The following PACC1 variants were observed in gnomAD, a reference collection of about 807,000 sequenced individuals.
PACC1 encodes the protein proton activated chloride channel 1, also known as proton-activated chloride channel.
PACC1 carries 34 observed loss-of-function variants against 39.7 expected under a neutral mutation model. The ratio of observed to expected loss-of-function variants is 0.86; its 90% confidence interval spans 0.65 to 1.14. PACC1 has a LOEUF of 1.14. PACC1 is among the 50% of genes most tolerant of loss of function. The pLI is 0.00. For synonymous variants in PACC1, 127 were observed against 160.6 expected, an observed-to-expected ratio of 0.79 and a Z score of 1.58; for missense variants, 379 against 436.4, an observed-to-expected ratio of 0.87 and a Z score of 1.17.
chr1:212,369,919 T>C (rs765325649), intron 7 of PACC1, among the ~76,000 whole-genome samples: 2 of 152,170 alleles, frequency 1.3e-5, no homozygotes, highest in Non-Finnish European at 2.9e-5. Flanking sequence ...AATATCATTA[T>C]GTAATGATGA....
intron 7 of PACC1, among the ~76,000 whole-genome samples, chr1:212,368,796 G>A (rs944383825): frequency 1.3e-5 from 2 of 152,280 alleles, no homozygotes; most frequent in African/African-American, 2.4e-5. Flanking sequence ...ACTTTGGGAG[G>A]CCGAGGCGGG....
intron 4 of PACC1, among the ~76,000 whole-genome samples, chr1:212,384,055 C>T (rs1014086455): frequency 6.6e-6 from 1 of 152,146 alleles, no homozygotes; most frequent in Admixed American, 6.6e-5. Context: ...AAGCTTGTAC[C>T]TCTACAACAG....
At chr1:212,387,444 A>G (rs1661144843) in intron 2 of PACC1, among the ~76,000 whole-genome samples, 1 of 152,356 alleles carries the variant, frequency 6.6e-6, no homozygotes, top group East Asian at 1.9e-4. Flanking sequence ...TACTCTCTAG[A>G]GGGATAGGCA....
intron 4 of PACC1, among the ~76,000 whole-genome samples, chr1:212,384,628 A>C (rs940739995): frequency 1.3e-5 from 2 of 152,252 alleles, no homozygotes; most frequent in Non-Finnish European, 2.9e-5. Context: ...TGAAGCAAGA[A>C]TATGAAATGA....
Position 212,385,383 on chromosome 1 carries a change from TTACAGCTGAGCAACTG to T in PACC1, c.370_385del (p.Gln124SerfsTer10). ...AGGAGGAATGACCTCGTAATGGTGC[TTACAGCTGAGCAACTG>T]GGCCTGACCGGGGTACAAGGCAATA... On this transcript the variant is annotated frameshift_variant, in exon 4 of 8. Coordinates refer to ENST00000261455, the MANE Select transcript of PACC1 (RefSeq NM_018252.3). LOFTEE classifies it high-confidence loss of function. 1 of 1,614,024 alleles carries T rather than the reference TTACAGCTGAGCAACTG, an allele frequency of 6.2e-7. No homozygotes were observed. Among genetic ancestry groups the T allele is most frequent in the South Asian group, 1.1e-5 (1 of 91,072 alleles).
chr1:212,384,618 T>G (rs1452956755), intron 4 of PACC1, among the ~76,000 whole-genome samples: 2 of 152,254 alleles, frequency 1.3e-5, no homozygotes, highest in African/African-American at 4.8e-5. Flanking sequence ...CAATGCTTTC[T>G]GAAGCAAGAA....
intron 2 of PACC1, among the ~76,000 whole-genome samples, chr1:212,401,664 T>C (rs1401403547): frequency 5.0e-5 from 7 of 141,240 alleles, no homozygotes; most frequent in South Asian, 2.3e-4. Flanking sequence ...AGTTACAGCA[T>C]GCATCAGTTC....
At chr1:212,375,363 A>G in intron 6 of PACC1, 63 bp from the exon 7 acceptor site, 1 of 1,185,050 alleles carries the variant, frequency 8.4e-7, no homozygotes, top group South Asian at 1.2e-5. Flanking sequence ...GCCTGTGCCC[A>G]GCGAAAGGAG....
intron 2 of PACC1, among the ~76,000 whole-genome samples, chr1:212,409,469 G>A (rs1196263355): frequency 6.6e-6 from 1 of 151,968 alleles, no homozygotes; most frequent in Non-Finnish European, 1.5e-5. Context: ...AGGGAATGAG[G>A]CCTAAAATAA....
chr1:212,384,802 C>A (rs749881979), intron 4 of PACC1, among the ~76,000 whole-genome samples: 2 of 152,220 alleles, frequency 1.3e-5, no homozygotes, highest in African/African-American at 2.4e-5. Flanking sequence ...GAGTCCTTGT[C>A]CCCAGACCGA....
rs1398431178 is a variant in PACC1 at position 212,363,994 on chromosome 1, T to G, written c.*1221A>C. The G allele has an allele frequency of 6.6e-6, 1 of 152,256 alleles. No homozygotes were observed. Among genetic ancestry groups the G allele is most frequent in the East Asian group, 1.9e-4 (1 of 5,200 alleles). The allele number at this position is 152,256 out of a possible 1,614,324, so 9.4% of individuals were successfully genotyped here. A position where few individuals can be genotyped will look rare whatever the true frequency, so the allele number is the denominator to read the frequency against. Reference sequence around the variant, plus strand: ...AGTTTCTTCCCATTTAAAATGCCTATTCATACATTTGAGTTATTCCCTTTG... The same window carrying G: ...AGTTTCTTCCCATTTAAAATGCCTAGTCATACATTTGAGTTATTCCCTTTG... On this transcript the variant is annotated 3_prime_UTR_variant, in exon 8 of 8. Coordinates refer to ENST00000261455, the MANE Select transcript of PACC1 (RefSeq NM_018252.3).
intron 7 of PACC1, among the ~76,000 whole-genome samples, chr1:212,374,345 T>A (rs1308952176): frequency 6.6e-6 from 1 of 151,960 alleles, no homozygotes; most frequent in Non-Finnish European, 1.5e-5. Context: ...TTCTCACTCA[T>A]GTGGGAGCTT....
intron 7 of PACC1, among the ~76,000 whole-genome samples, chr1:212,374,431 G>A (rs1175335137): frequency 6.6e-6 from 1 of 152,150 alleles, no homozygotes; most frequent in Non-Finnish European, 1.5e-5. Flanking sequence ...GGGGAAGCAG[G>A]AGATGAAGAG....
chr1:212,378,295 C>T (rs1432307854), intron 5 of PACC1, among the ~76,000 whole-genome samples: 2 of 152,180 alleles, frequency 1.3e-5, no homozygotes, highest in East Asian at 1.9e-4. Flanking sequence ...ACGAAAGGAG[C>T]GTGGAGTGGG....
At chr1:212,400,945 G>T (rs1344273054) in intron 2 of PACC1, among the ~76,000 whole-genome samples, 2 of 152,178 alleles carry the variant, frequency 1.3e-5, no homozygotes, top group Non-Finnish European at 1.5e-5. Context: ...GAGGAAGGGG[G>T]CTTGGTTGTC....
rs1224640283 is a variant in PACC1 at position 212,386,121 on chromosome 1, G to T, written c.344-696C>A. On this transcript the variant is annotated intron_variant, in intron 3 of 7. Transcript: ENST00000261455. The surrounding 1 kb of genome is among the most constrained non-coding windows in gnomAD (Gnocchi z 5.0). ...GCACACCTGACTCTGCTGGAGGCTG[G>T]CAGGAAGCCCCAGAGAGAGGGCACC... is the stretch of plus-strand genomic sequence containing the variant. Among the ~76,000 whole-genome samples the T allele has an allele frequency of 6.6e-6, 1 of 152,138 alleles. No homozygotes were observed. Among genetic ancestry groups the T allele is most frequent in the East Asian group, 1.9e-4 (1 of 5,180 alleles).
At chr1:212,382,231 G>A (rs1571645765) in intron 4 of PACC1, among the ~76,000 whole-genome samples, 2 of 152,040 alleles carry the variant, frequency 1.3e-5, no homozygotes, top group East Asian at 3.9e-4. Context: ...TTTTAGTAGA[G>A]ACGGGGTTTC....
Position 212,368,883 on chromosome 1 carries a change from T to C in PACC1, c.892-3507A>G, listed in dbSNP as rs565295559. On this transcript the variant is annotated intron_variant, in intron 7 of 7. Coordinates refer to ENST00000261455, the MANE Select transcript of PACC1 (RefSeq NM_018252.3). ...CTGTCTCTACCAAAAATACAAAAAA[T>C]TAGCCGGGCGTGGTGGCGGGTGCCT... is the stretch of plus-strand genomic sequence containing the variant. Among the ~76,000 whole-genome samples the C allele has an allele frequency of 8.8e-4, 134 of 151,998 alleles. 1 individual carries two copies. Among genetic ancestry groups the C allele is most frequent in the Non-Finnish European group, 1.5e-3 (102 of 67,952 alleles).
Position 212,385,495 on chromosome 1 carries a change from C to A in PACC1, c.344-70G>T, listed in dbSNP as rs980853852. ...TGACCACATCCCTGAAATCATCTCA[C>A]ACCTACCAACAACCTACGTTCTGGA... is the stretch of plus-strand genomic sequence containing the variant. On this transcript the variant is annotated intron_variant, in intron 3 of 7. Transcript: ENST00000261455. 4 of 1,524,912 alleles carry A rather than the reference C, an allele frequency of 2.6e-6. No homozygotes were observed. The African/African-American group carries it at 4.1e-5, about 16-fold the overall frequency. 94.5% of individuals were successfully genotyped at this position (1,524,912 alleles called of 1,614,324 possible).
Sources: allele counts gnomAD v4.1 joint callset (sites outside exome capture counted in the v4.1 genomes callset), GRCh38; gene constraint gnomAD v4.1.1; non-coding constraint Gnocchi (gnomAD v3.1); transcripts MANE v1.5; gene names NCBI Gene and HGNC (gene_info 2026-07-23, HGNC 2026-07-21).